CREBBP: variants seen among roughly 807,000 people sequenced by gnomAD.
The protein encoded by CREBBP is CREB-binding protein.
Under a neutral mutation model 265.0 loss-of-function variants are expected in CREBBP, and 19 were observed. The ratio of observed to expected loss-of-function variants is 0.07; its 90% CI spans 0.05 to 0.11. The LOEUF (loss-of-function observed/expected upper bound fraction) is 0.11, where lower values mean the gene tolerates loss of function less well. CREBBP is among the 10% of genes least tolerant of loss of function. The probability of loss-of-function intolerance (pLI) is 1.00; values close to 1 mark genes in which losing one functional copy is unlikely to be tolerated. For synonymous variants in CREBBP, 1,457 were observed against 1,223.7 expected (o/e 1.19, Z -3.98); for missense variants, 2,525 against 3,219.0 (o/e 0.78, Z 5.22).
Position 3,870,710 on chromosome 16 carries a change from C to T in CREBBP, c.85+9122G>A, listed in dbSNP as rs934450984. ...TATTCAGTGAGAAGCCTCCTGATTC[C>T]GGGTCAGGCTACATCATCTTAGTCC... On this transcript the variant is annotated intron_variant, in intron 1 of 30. Transcript: ENST00000262367. 1.2e-4 allele frequency among the ~76,000 whole-genome samples: 18 copies of T among 152,160 alleles called. No individual in the cohort carries two copies. In the South Asian group the frequency reaches 2.1e-3, roughly 18 times the overall value.
chr16:3,797,701 C>A (rs1010669954), intron 3 of CREBBP, among the ~76,000 whole-genome samples: 1 of 151,452 alleles, frequency 6.6e-6, no homozygotes, highest in Non-Finnish European at 1.5e-5. Flanking sequence ...TAAGAGAGGA[C>A]GATTGTCTCC....
At chr16:3,861,652 CA>C (rs368654449) in intron 1 of CREBBP, among the ~76,000 whole-genome samples, 6,595 of 121,008 alleles carry the variant, frequency 0.055, 387 homozygotes, top group African/African-American at 0.16. Context: ...CTCTCTATAC[CA>C]AAAAAAAAAA....
intron 11 of CREBBP, among the ~76,000 whole-genome samples, chr16:3,776,879 G>A (rs181918540): frequency 2.7e-4 from 41 of 152,152 alleles, no homozygotes; most frequent in African/African-American, 8.9e-4. Flanking sequence ...TTAGCTGGGC[G>A]TGGTGGCAGG....
intron 5 of CREBBP, among the ~76,000 whole-genome samples, chr16:3,791,587 T>A (rs2053508575): frequency 6.6e-6 from 1 of 152,136 alleles, no homozygotes; most frequent in African/African-American, 2.4e-5. Context: ...AAGTATCCCC[T>A]CTATCCCCCT....
At chr16:3,793,229 G>A (rs950785438) in intron 4 of CREBBP, among the ~76,000 whole-genome samples, 157 bp downstream of exon 4, 7 of 152,310 alleles carry the variant, frequency 4.6e-5, no homozygotes, top group Non-Finnish European at 8.8e-5. Flanking sequence ...CCTGACTGTC[G>A]TCGCGTGGGG....
At position 3,782,775 on chromosome 16, in the gene CREBBP, G is replaced by C. The variant is rs1366818651; in HGVS notation, c.1482C>G (p.Asn494Lys). ...AYAALGLPYMNQPQTQLQPQV... is the reference protein window; with the variant it reads ...AYAALGLPYMKQPQTQLQPQV... ...GAGGCTGCAGCTGCGTCTGGGGCTG[G>C]TTCATGTAGGGGAGTCCGAGAGCAG... is the stretch of plus-strand genomic sequence containing the variant. Residue 494 changes from asparagine to lysine, a missense_variant, in exon 6 of 31, where the codon AAC becomes AAG. Physicochemically the swap from Asn to Lys is moderately conservative, Grantham distance 94. Coordinates refer to ENST00000262367, the MANE Select transcript of CREBBP (RefSeq NM_004380.3). 1.2e-6 allele frequency: 2 copies of C among 1,614,174 alleles called. No individual in the cohort carries two copies. The highest frequency in any genetic ancestry group is 1.7e-6 in the Non-Finnish European group (2 of 1,180,038).
chr16:3,781,239 T>C lies in CREBBP; in HGVS notation c.1641A>G (p.Ser547=), dbSNP rs2141247542. 6.2e-7 allele frequency: 1 copy of C among 1,614,086 alleles called. No individual in the cohort carries two copies. Among genetic ancestry groups the C allele is most frequent in the South Asian group, 1.1e-5 (1 of 91,084 alleles). Residue 547 remains serine, a synonymous_variant, in exon 7 of 31, where the codon TCA becomes TCG. Transcript: ENST00000262367. The part of the protein sequence containing the change: ...TTDQQPPNLI[S]ESALPTSLGA... ...CCAGGGAAGTCGGAAGAGCTGATTC[T>C]GAAATCAAGTTTGGGGGCTGCTGAT...
intron 24 of CREBBP, 24 bp from the exon 25 acceptor site, chr16:3,739,748 C>A (rs1249113501): frequency 1.2e-6 from 2 of 1,614,222 alleles, no homozygotes; most frequent in Admixed American, 1.7e-5. Flanking sequence ...CAGAGCCGGA[C>A]ATTTACAAAG....
At chr16:3,760,087 T>A (rs957999975) in intron 16 of CREBBP, among the ~76,000 whole-genome samples, 12 of 152,192 alleles carry the variant, frequency 7.9e-5, no homozygotes, top group African/African-American at 2.7e-4. Flanking sequence ...TGTTCTTTAA[T>A]TTTTAATTAA....
chr16:3,875,465 G>A (rs950139530), intron 1 of CREBBP, among the ~76,000 whole-genome samples: 2 of 152,138 alleles, frequency 1.3e-5, no homozygotes, highest in African/African-American at 2.4e-5. Context: ...CACACGTCAC[G>A]CTGAGGATAA....
chr16:3,754,584 T>C (rs2052546251), intron 19 of CREBBP, among the ~76,000 whole-genome samples: 1 of 152,178 alleles, frequency 6.6e-6, no homozygotes, highest in African/African-American at 2.4e-5. Flanking sequence ...TAATTTAATA[T>C]ATGGACTAAG....
intron 2 of CREBBP, 146 bp downstream of exon 2, chr16:3,850,151 G>A (rs1458111987): frequency 9.0e-6 from 7 of 776,406 alleles, no homozygotes; most frequent in African/African-American, 1.7e-5. Flanking sequence ...ATCCTAGAAA[G>A]AAATCTGTCT....
intron 2 of CREBBP, among the ~76,000 whole-genome samples, chr16:3,849,418 T>TGTGTGTG (rs2054742875): frequency 1.5e-4 from 1 of 6,568 alleles, no homozygotes; most frequent in Non-Finnish European, 2.7e-3. Context: ...TGTGTGTGTG[T>TGTGTGTG]GTGTGTGTGT....
intron 28 of CREBBP, among the ~76,000 whole-genome samples, chr16:3,734,781 A>T (rs548654727): frequency 2.0e-5 from 3 of 152,188 alleles, no homozygotes; most frequent in East Asian, 1.9e-4. Context: ...AGTGAGCACG[A>T]GTGTGTGTGG....
chr16:3,770,376 G>T (rs996577381), intron 14 of CREBBP, among the ~76,000 whole-genome samples, 194 bp downstream of exon 14: 1 of 151,560 alleles, frequency 6.6e-6, no homozygotes, highest in Non-Finnish European at 1.5e-5. Flanking sequence ...ATTTTTTTTT[G>T]CTGGAGACGA....
chr16:3,756,162 A>G lies in CREBBP; in HGVS notation c.3698+1126T>C, dbSNP rs562327352. Among the ~76,000 whole-genome samples, 346 of 152,358 alleles carry G rather than the reference A, an allele frequency of 2.3e-3. 3 individuals carry two copies. The highest frequency in any genetic ancestry group is 4.1e-3 in the Non-Finnish European group (278 of 68,032). ...ATTACTCTGACCAAATGAGAGTAAAATAATAAAAAACGCCAAACCCCACTG... is the reference window on the plus strand; with the variant it reads ...ATTACTCTGACCAAATGAGAGTAAAGTAATAAAAAACGCCAAACCCCACTG... On this transcript the variant is annotated intron_variant, in intron 19 of 30. Coordinates refer to ENST00000262367, the MANE Select transcript of CREBBP (RefSeq NM_004380.3).
At chr16:3,750,168 G>GT (rs1349900961) in intron 20 of CREBBP, among the ~76,000 whole-genome samples, 5 of 152,100 alleles carry the variant, frequency 3.3e-5, no homozygotes, top group African/African-American at 4.8e-5. Flanking sequence ...GCCCTGTTAA[G>GT]TTTTTTTAAT....
intron 19 of CREBBP, 39 bp downstream of exon 19, chr16:3,757,249 T>C: frequency 6.7e-7 from 1 of 1,495,030 alleles, no homozygotes; most frequent in Non-Finnish European, 9.3e-7. Context: ...GAACGTGCCT[T>C]GCCCTAAGAC....
rs1259851957 is a variant in CREBBP at position 3,728,786 on chromosome 16, C to T, written c.6261G>A (p.Leu2087=). 1.2e-6 allele frequency: 2 copies of T among 1,613,782 alleles called. No individual in the cohort carries two copies. Among genetic ancestry groups the T allele is most frequent in the Non-Finnish European group, 8.5e-7 (1 of 1,180,000 alleles). ...GCTGCGGGTTTGATTTGAGAATGTTCAGCACCTGCTGTTGCTGCTGAGGGG... is the reference window on the plus strand; with the variant it reads ...GCTGCGGGTTTGATTTGAGAATGTTTAGCACCTGCTGTTGCTGCTGAGGGG... The part of the protein sequence containing the change: ...PSSPQQQQQV[L]NILKSNPQLM... The change falls in exon 31 of 31, where the codon CTG becomes CTA. Residue 2087 remains leucine, a synonymous_variant. Coordinates refer to ENST00000262367, the MANE Select transcript of CREBBP (RefSeq NM_004380.3). This position sits in a 1 kb window ranked among gnomAD's most constrained non-coding sequence, Gnocchi z 8.7.
Sources: allele counts gnomAD v4.1 joint callset (sites outside exome capture counted in the v4.1 genomes callset), GRCh38; gene constraint gnomAD v4.1.1; non-coding constraint Gnocchi (gnomAD v3.1); transcripts MANE v1.5; gene names NCBI Gene and HGNC (gene_info 2026-07-23, HGNC 2026-07-21).